The following MROH6 variants were observed in gnomAD, a reference collection of about 807,000 sequenced individuals.
MROH6 encodes the protein maestro heat-like repeat-containing protein family member 6.
In MROH6, 62 loss-of-function variants were observed where a neutral mutation model predicts 67.7. The observed-to-expected ratio is 0.92, with a 90% CI of 0.75 to 1.13. The LOEUF (loss-of-function observed/expected upper bound fraction) is 1.13, where lower values mean the gene tolerates loss of function less well. Ranked by LOEUF, MROH6 falls within the 50% of genes most tolerant of loss-of-function variation. The pLI, the probability that MROH6 is intolerant of heterozygous loss-of-function variation, is 0.00. For missense variants in MROH6, 1,175 were observed against 1,029.1 expected, an observed-to-expected ratio of 1.14 and a Z score of -1.94; for synonymous variants, 566 against 470.8, an observed-to-expected ratio of 1.20 and a Z score of -2.62.
At chr8:143,568,456 G>A in intron 10 of MROH6, 96 bp downstream of exon 10, 3 of 1,450,980 alleles carry the variant, frequency 2.1e-6, no homozygotes, top group Non-Finnish European at 2.7e-6. Flanking sequence ...CCTTGGGATG[G>A]GTGAGTCCCT....
rs763131878 is a variant in MROH6, at chr8:143,572,693, G to C, written c.22C>G (p.Arg8Gly). Residue 8 changes from arginine (R) to glycine (G), a missense_variant, in exon 1 of 14, where the codon CGG becomes GGG. Arg to Gly is a moderately radical substitution (Grantham distance 125). Transcript: ENST00000398882. MAGGVWG[R>G]SRAREAPVGA... ...ACGGGAGCCTCCCGGGCCCGGCTCC[G>C]GCCCCACACACCCCCAGCCATGGCG... 4 of 1,508,204 alleles carry C rather than the reference G, an allele frequency of 2.7e-6. No homozygotes were observed. The South Asian group carries it at 5.0e-5, about 19-fold the overall frequency. The allele number at this position is 1,508,204 out of a possible 1,614,324, so 93.4% of individuals were successfully genotyped here.
rs763131878 is a variant in MROH6 at position 143,572,693 on chromosome 8, G to A, written c.22C>T (p.Arg8Trp). The A allele has an allele frequency of 5.7e-5, 86 of 1,508,204 alleles. No individual in the cohort carries two copies. Among genetic ancestry groups the A allele is most frequent in the Admixed American group, 1.4e-4 (7 of 48,392 alleles). 93.4% of individuals were successfully genotyped at this position (1,508,204 alleles called of 1,614,324 possible). A position where few individuals can be genotyped will look rare whatever the true frequency, so the allele number is the denominator to read the frequency against. ...ACGGGAGCCTCCCGGGCCCGGCTCC[G>A]GCCCCACACACCCCCAGCCATGGCG... The part of the protein sequence containing the change: MAGGVWG[R>W]SRAREAPVGA... Residue 8 changes from arginine to tryptophan, a missense_variant, in exon 1 of 14, where the codon CGG (arginine) becomes TGG (tryptophan). Arg to Trp is a moderately radical substitution (Grantham distance 101). Coordinates refer to ENST00000398882, the MANE Select transcript of MROH6 (RefSeq NM_001100878.2).
intron 3 of MROH6, 102 bp downstream of exon 3, chr8:143,571,565 C>T: frequency 6.8e-7 from 1 of 1,460,404 alleles, no homozygotes; most frequent in Middle Eastern, 2.2e-4. Context: ...TAAGGAGGCC[C>T]TGCCCCTTTT....
chr8:143,570,855 G>A, intron 4 of MROH6, 22 bp downstream of exon 4: 3 of 638,900 alleles, frequency 4.7e-6, no homozygotes, highest in Non-Finnish European at 7.1e-6. Flanking sequence ...CCCACCCCCT[G>A]GTAATGGCTG....
In MROH6 at chr8:143,571,805, C is replaced by T. The variant is rs1162867373; in HGVS notation, c.464G>A (p.Arg155His). Reference protein sequence around the residue: ...RLEDQVHALVRGLLAQVPSLA... With the variant: ...RLEDQVHALVHGLLAQVPSLA... ...GCTGGGCACCTGCGCCAGCAGCCCA[C>T]GCACCAGAGCATGCACCTGGTGGGG... Residue 155 changes from arginine (R) to histidine (H), a missense_variant, in exon 3 of 14, where the codon CGT becomes CAT. Coordinates refer to ENST00000398882, the MANE Select transcript of MROH6 (RefSeq NM_001100878.2). 27 of 1,546,350 alleles carry T rather than the reference C, an allele frequency of 1.7e-5. 1 individual carries two copies. Among genetic ancestry groups the T allele is most frequent in the South Asian group, 7.1e-5 (6 of 84,250 alleles).
chr8:143,567,482 G>A lies in MROH6; in HGVS notation c.1934-17C>T. On this transcript the variant is annotated splice_polypyrimidine_tract_variant and intron_variant, in intron 13 of 13. Coordinates refer to ENST00000398882, the MANE Select transcript of MROH6 (RefSeq NM_001100878.2). ...GCCCTAGGTCTGCGAGGAGATCGCG[G>A]CTCAGGCTGGGGAGCCCAGGAGGGC... is the stretch of plus-strand genomic sequence containing the variant. 1 of 1,426,328 alleles carries A rather than the reference G, an allele frequency of 7.0e-7. No homozygotes were observed. The highest frequency in any genetic ancestry group is 1.5e-5 in the South Asian group (1 of 66,878). 88.4% of individuals were successfully genotyped at this position (1,426,328 alleles called of 1,614,324 possible).
rs368608881 is a variant in MROH6, at chr8:143,570,608, G to T, written c.770C>A (p.Ala257Asp). 2 of 1,601,950 alleles carry T rather than the reference G, an allele frequency of 1.2e-6. No homozygotes were observed. The highest frequency in any genetic ancestry group is 2.7e-5 in the African/African-American group (2 of 74,914). ...CAGATGTGGGTAGAAGCCCCTCGTG[G>T]CTCCCACGCAGCCCGAAACAGCCAG... ...EMLAVSGCVG[A>D]TRGFYPHLLL... The change falls in exon 5 of 14, where the codon GCC (alanine) becomes GAC (aspartate). Residue 257 changes from alanine (A) to aspartate (D), a missense_variant. Physicochemically the swap from Ala to Asp is moderately radical, Grantham distance 126. Coordinates refer to ENST00000398882, the MANE Select transcript of MROH6 (RefSeq NM_001100878.2).
In MROH6 at chr8:143,569,723, C is replaced by T. The variant is rs1230378709; in HGVS notation, c.1276G>A (p.Gly426Ser). The part of the protein sequence containing the change: ...TVRWLGLLGL[G>S]HLALNRRKVR... The stretch of plus-strand genomic sequence containing the variant: ...TTCCTGCGATTCAGCGCGAGGTGGC[C>T]CAGGCCCAGCAGGCCCAACCAGCGC... The change falls in exon 8 of 14, where the codon GGC becomes AGC. Residue 426 changes from glycine (G) to serine (S), a missense_variant. By Grantham distance (56) the Gly-to-Ser change is moderately conservative (BLOSUM62 0). Transcript: ENST00000398882. 5 of 1,613,072 alleles carry T rather than the reference C, an allele frequency of 3.1e-6. No individual in the cohort carries two copies. The African/African-American group carries it at 6.7e-5, about 22-fold the overall frequency.
At position 143,572,192 on chromosome 8, in the gene MROH6, C is replaced by G; in HGVS notation, c.295-7G>C. 1 of 1,612,190 alleles carries G rather than the reference C, an allele frequency of 6.2e-7. No homozygotes were observed. The highest frequency in any genetic ancestry group is 8.5e-7 in the Non-Finnish European group (1 of 1,179,434). ...CCCAGGAACTCTGGGGAACCTAGGG[C>G]AGGATGGGTGGGGCGTCTGAAGTGC... On this transcript the variant is annotated splice_polypyrimidine_tract_variant and splice_region_variant and intron_variant, in intron 1 of 13. Transcript: ENST00000398882.
At position 143,569,493 on chromosome 8, in the gene MROH6, A is replaced by G; in HGVS notation, c.1424T>C (p.Val475Ala). 1 of 1,483,290 alleles carries G rather than the reference A, an allele frequency of 6.7e-7. No homozygotes were observed. The highest frequency in any genetic ancestry group is 8.9e-7 in the Non-Finnish European group (1 of 1,126,658). 91.9% of individuals were successfully genotyped at this position (1,483,290 alleles called of 1,614,324 possible). A position where few individuals can be genotyped will look rare whatever the true frequency, so the allele number is the denominator to read the frequency against. ...RRLLLRPRAP[V>A]RLLSAELGPR... The stretch of plus-strand genomic sequence containing the variant: ...TCCCAGCTCCGCGCTCAGGAGCCGC[A>G]CAGGCGCCCGGGGCCGCAGCAGGAG... Residue 475 changes from valine to alanine, a missense_variant, in exon 9 of 14, where the codon GTG (valine) becomes GCG (alanine). Coordinates refer to ENST00000398882, the MANE Select transcript of MROH6 (RefSeq NM_001100878.2).
In MROH6 at chr8:143,567,167, G is replaced by T; in HGVS notation, c.*72C>A. ...CCAGGCCCAGGGAGCCCCTCCGTCA[G>T]GGCGGGGACAGGCTGCTATGCGCGT... is the stretch of plus-strand genomic sequence containing the variant. On this transcript the variant is annotated 3_prime_UTR_variant, in exon 14 of 14. Transcript: ENST00000398882. 2 of 876,286 alleles carry T rather than the reference G, an allele frequency of 2.3e-6. No individual in the cohort carries two copies. Among genetic ancestry groups the T allele is most frequent in the Non-Finnish European group, 3.0e-6 (2 of 669,550 alleles). 54.3% of individuals were successfully genotyped at this position (876,286 alleles called of 1,614,324 possible). A position where few individuals can be genotyped will look rare whatever the true frequency, so the allele number is the denominator to read the frequency against.
At position 143,568,141 on chromosome 8, in the gene MROH6, C is replaced by T. The variant is rs1339815901; in HGVS notation, c.1764+1G>A. 6.2e-7 allele frequency: 1 copy of T among 1,604,202 alleles called. No homozygotes were observed. Among genetic ancestry groups the T allele is most frequent in the African/African-American group, 1.3e-5 (1 of 74,862 alleles). Reference sequence around the variant, plus strand: ...GCGGTCACCTTGCTTCCCCTACTGACCAGGCGGCAGCAGAGGTGGCTCAGG... The same window carrying T: ...GCGGTCACCTTGCTTCCCCTACTGATCAGGCGGCAGCAGAGGTGGCTCAGG... On this transcript the variant is annotated splice_donor_variant, in intron 11 of 13. Transcript: ENST00000398882. LOFTEE classifies it high-confidence loss of function.
chr8:143,571,515 C>T (rs1017014861), intron 3 of MROH6, among the ~76,000 whole-genome samples, 152 bp downstream of exon 3: 1 of 152,116 alleles, frequency 6.6e-6, no homozygotes, highest in Non-Finnish European at 1.5e-5. Flanking sequence ...ATGAGGGGAG[C>T]GGGAATGGAT....
chr8:143,571,239 C>T (rs909626261), intron 3 of MROH6, among the ~76,000 whole-genome samples: 1 of 152,198 alleles, frequency 6.6e-6, no homozygotes, highest in Admixed American at 6.5e-5. Context: ...CCCGTTGGGT[C>T]AGCGACAGTG....
At chr8:143,568,885 C>T (rs988997575) in intron 9 of MROH6, 166 bp from the exon 10 acceptor site, 2 of 552,672 alleles carry the variant, frequency 3.6e-6, no homozygotes, top group Middle Eastern at 4.7e-4. Flanking sequence ...GGTTGGGAAG[C>T]CTGGAGAGCC....
chr8:143,570,425 G>A (rs1563919214), intron 5 of MROH6, 45 bp from the exon 6 acceptor site: 3 of 1,605,682 alleles, frequency 1.9e-6, no homozygotes, highest in East Asian at 4.5e-5. Context: ...GAGCTGAGAG[G>A]GTGACAGCAT....
chr8:143,569,002 C>A, intron 9 of MROH6: 2 of 54,564 alleles, frequency 3.7e-5, no homozygotes, highest in Non-Finnish European at 6.0e-5. Context: ...CGACAGCAGG[C>A]GGGAGGGGCG....
In MROH6 at chr8:143,567,277, C is replaced by T. The variant is rs1393179259; in HGVS notation, c.2122G>A (p.Ala708Thr). The T allele has an allele frequency of 4.9e-6, 6 of 1,222,562 alleles. No individual in the cohort carries two copies. Among genetic ancestry groups the T allele is most frequent in the Admixed American group, 4.3e-5 (1 of 23,378 alleles). The allele number at this position is 1,222,562 out of a possible 1,614,324, so 75.7% of individuals were successfully genotyped here. The change falls in exon 14 of 14, where the codon GCG becomes ACG. Residue 708 changes from alanine to threonine, a missense_variant. By Grantham distance (58) the Ala-to-Thr change is moderately conservative. Coordinates refer to ENST00000398882, the MANE Select transcript of MROH6 (RefSeq NM_001100878.2). ...ADSPFQRRSVAGRWGCSGPRR... is the reference protein window; with the variant it reads ...ADSPFQRRSVTGRWGCSGPRR... The stretch of plus-strand genomic sequence containing the variant: ...GGTCCGGAGCAGCCCCAGCGGCCCG[C>T]GACGCTCCGGCGCTGGAAGGGGCTG...
In MROH6 at chr8:143,568,061, C is replaced by T. The variant is rs538174700; in HGVS notation, c.1764+81G>A. 21 of 1,517,714 alleles carry T rather than the reference C, an allele frequency of 1.4e-5. No individual in the cohort carries two copies. In the East Asian group the frequency reaches 1.7e-4, roughly 12 times the overall value. 94.0% of individuals were successfully genotyped at this position (1,517,714 alleles called of 1,614,324 possible). A position where few individuals can be genotyped will look rare whatever the true frequency, so the allele number is the denominator to read the frequency against. On this transcript the variant is annotated intron_variant, in intron 11 of 13. Coordinates refer to ENST00000398882, the MANE Select transcript of MROH6 (RefSeq NM_001100878.2). ...CTATCTGGTTTGGCTGCAGTAGAAA[C>T]GGTTGGGGGCCCCGGTGAACCCTGG...
Sources: gnomAD v4.1 joint callset for allele counts (sites outside exome capture counted in the v4.1 genomes callset) on GRCh38, gnomAD v4.1.1 for gene constraint, MANE v1.5 for transcripts, NCBI Gene and HGNC (gene_info 2026-07-23, HGNC 2026-07-21) for gene names.